The following ARHGEF18 variants were observed in gnomAD, a reference collection of about 807,000 sequenced individuals.
The protein encoded by ARHGEF18 is rho guanine nucleotide exchange factor 18.
A neutral mutation model predicts 155.7 loss-of-function variants in ARHGEF18; 93 were observed. That is an observed-to-expected ratio of 0.60 (90% CI 0.50 to 0.71). ARHGEF18 has a LOEUF of 0.71. ARHGEF18 is among the 30% of genes least tolerant of loss of function. The pLI is 0.00. For synonymous variants in ARHGEF18, 742 were observed against 753.1 expected, an observed-to-expected ratio of 0.99 and a Z score of 0.24; for missense variants, 1,593 against 1,816.1, an observed-to-expected ratio of 0.88 and a Z score of 2.23.
intron 1 of ARHGEF18, chr19:7,355,778 CT>C (rs1969276146): frequency 1.1e-6 from 1 of 941,424 alleles, no homozygotes; most frequent in Non-Finnish European, 1.3e-6. Flanking sequence ...CGCCATCCCC[CT>C]TCGAGCTTTT....
At chr19:7,394,473 G>A (rs1971564882) in intron 10 of ARHGEF18, among the ~76,000 whole-genome samples, 1 of 151,932 alleles carries the variant, frequency 6.6e-6, no homozygotes, top group South Asian at 2.1e-4. Context: ...CGAGCCCGTA[G>A]GAGCCCACTG....
rs1354670864 is a variant in ARHGEF18 at position 7,403,737 on chromosome 19, G to A, written c.967+20534G>A. On this transcript the variant is annotated intron_variant, in intron 10 of 28. Coordinates refer to ENST00000668164, the MANE Select transcript of ARHGEF18 (RefSeq NM_001367823.1). ...TTTTTTGTAGAGATGAAGCCTCGCC[G>A]TGTTGCCCAGGCTGGTCTTGAACTC... 4.6e-5 allele frequency among the ~76,000 whole-genome samples: 7 copies of A among 151,914 alleles called. 1 individual carries two copies. The East Asian group carries it at 5.8e-4, about 13-fold the overall frequency.
At chr19:7,380,783 ACAAGCCCAGAGTGT>A in intron 7 of ARHGEF18, 120 bp from the exon 8 acceptor site, 1 of 447,376 alleles carries the variant, frequency 2.2e-6, no homozygotes, top group African/African-American at 2.0e-5. Context: ...TGTCTCATAT[ACAAGCCCAGAGTGT>A]CAAGGACAGG....
intron 10 of ARHGEF18, among the ~76,000 whole-genome samples, chr19:7,402,680 G>A (rs1308165288): frequency 6.6e-6 from 1 of 152,110 alleles, no homozygotes; most frequent in Non-Finnish European, 1.5e-5. Flanking sequence ...AACCCTAAAG[G>A]AAAGGGGACC....
intron 10 of ARHGEF18, among the ~76,000 whole-genome samples, chr19:7,405,947 C>G (rs1972280915): frequency 6.6e-6 from 1 of 152,170 alleles, no homozygotes; most frequent in East Asian, 1.9e-4. Context: ...TATTGGCACT[C>G]ATTTCTTAGG....
At chr19:7,385,870 T>TCTCTCTCTCTCTCCC (rs1555704468) in intron 10 of ARHGEF18, among the ~76,000 whole-genome samples, 1 of 29,548 alleles carries the variant, frequency 3.4e-5, no homozygotes, top group African/African-American at 1.9e-4. Context: ...TCTCTCTCTC[T>TCTCTCTCTCTCTCCC]CCCCCCTCCC....
intron 10 of ARHGEF18, among the ~76,000 whole-genome samples, chr19:7,438,783 A>C (rs1014669140): frequency 6.6e-6 from 1 of 152,210 alleles, no homozygotes; most frequent in African/African-American, 2.4e-5. Flanking sequence ...TATAAAATGT[A>C]AGAGTAAACT....
chr19:7,377,189 G>A (rs1188121955), intron 5 of ARHGEF18, among the ~76,000 whole-genome samples: 2 of 151,918 alleles, frequency 1.3e-5, no homozygotes, highest in Non-Finnish European at 2.9e-5. Flanking sequence ...TCCGGCCTCA[G>A]CCTCCCAAGT....
At chr19:7,378,228 G>A (rs1970554692) in intron 5 of ARHGEF18, among the ~76,000 whole-genome samples, 166 bp from the exon 6 acceptor site, 2 of 152,168 alleles carry the variant, frequency 1.3e-5, no homozygotes, top group South Asian at 4.1e-4. Flanking sequence ...GTTTGTCCCT[G>A]GCTCTCTGTC....
At chr19:7,361,759 G>A (rs1407329368) in intron 1 of ARHGEF18, among the ~76,000 whole-genome samples, 2 of 152,034 alleles carry the variant, frequency 1.3e-5, no homozygotes, top group South Asian at 2.1e-4. Flanking sequence ...TTGGGAGGCT[G>A]AGGCATGCAG....
At chr19:7,391,120 C>A (rs1046734287) in intron 10 of ARHGEF18, among the ~76,000 whole-genome samples, 1 of 152,128 alleles carries the variant, frequency 6.6e-6, no homozygotes, top group Non-Finnish European at 1.5e-5. Flanking sequence ...CCCCTCCCCA[C>A]CTGTGTCAGG....
Position 7,395,181 on chromosome 19 carries a change from C to T in ARHGEF18, c.967+11978C>T, listed in dbSNP as rs1238101374. The T allele has an allele frequency of 1.1e-5, 11 of 986,118 alleles. No homozygotes were observed. Among genetic ancestry groups the T allele is most frequent in the Non-Finnish European group, 1.3e-5 (11 of 830,592 alleles). The allele number at this position is 986,118 out of a possible 1,614,324, so 61.1% of individuals were successfully genotyped here. A position where few individuals can be genotyped will look rare whatever the true frequency, so the allele number is the denominator to read the frequency against. On this transcript the variant is annotated intron_variant, in intron 10 of 28. Transcript: ENST00000668164. The surrounding 1 kb of genome is among the most constrained non-coding windows in gnomAD (Gnocchi z 5.0). ...TGGATCTGGGGGGGCCGGACGGAGG[C>T]ATCGGAGGCGGCTGCGAGAGTGGCA...
At chr19:7,398,210 C>T (rs1213585216) in intron 10 of ARHGEF18, among the ~76,000 whole-genome samples, 1 of 151,934 alleles carries the variant, frequency 6.6e-6, no homozygotes, top group Non-Finnish European at 1.5e-5. Flanking sequence ...GCTGGGATTA[C>T]AGGTGTGTGC....
At chr19:7,404,956 CTTTATT>C (rs146609891) in intron 10 of ARHGEF18, among the ~76,000 whole-genome samples, 12,020 of 151,648 alleles carry the variant, frequency 0.079, 1,558 homozygotes, top group African/African-American at 0.27. Context: ...GACTCGGGTG[CTTTATT>C]TTTATTTTTA....
Position 7,441,982 on chromosome 19 carries a change from C to G in ARHGEF18, c.1290C>G (p.Ser430Arg). 2 of 1,614,090 alleles carry G rather than the reference C, an allele frequency of 1.2e-6. No homozygotes were observed. Among genetic ancestry groups the G allele is most frequent in the Middle Eastern group, 1.7e-4 (1 of 6,060 alleles). The change falls in exon 13 of 29, where the codon AGC becomes AGG. Residue 430 changes from serine to arginine, a missense_variant. Ser to Arg is a moderately radical substitution (Grantham distance 110). Transcript: ENST00000668164. ...ACGAGTTTGAAGCTGAGTCCTGGAG[C>G]CTCGCCGTGGATGCAGCCTACGCCA... ...DGHEFEAESWSLAVDAAYAKK... is the reference protein window; with the variant it reads ...DGHEFEAESWRLAVDAAYAKK...
intron 10 of ARHGEF18, among the ~76,000 whole-genome samples, chr19:7,435,488 C>G (rs1330922781): frequency 6.6e-6 from 1 of 152,062 alleles, no homozygotes; most frequent in Non-Finnish European, 1.5e-5. Flanking sequence ...TCCCGGGGAA[C>G]AAATGGGCCA....
At chr19:7,371,992 C>G (rs576163052) in intron 2 of ARHGEF18, among the ~76,000 whole-genome samples, 7 of 152,270 alleles carry the variant, frequency 4.6e-5, no homozygotes, top group African/African-American at 1.7e-4. Flanking sequence ...ACACTGGCCC[C>G]TTGCCTCCTG....
At chr19:7,364,402 A>AGGC (rs1969795109) in intron 2 of ARHGEF18, among the ~76,000 whole-genome samples, 12 of 129,648 alleles carry the variant, frequency 9.3e-5, no homozygotes, top group African/African-American at 2.9e-4. Flanking sequence ...GGAAGGAAGG[A>AGGC]AGGCAGGCTG....
chr19:7,379,168 T>C lies in ARHGEF18; in HGVS notation c.644+2T>C, dbSNP rs1014999234. On this transcript the variant is annotated splice_donor_variant, in intron 7 of 28. Coordinates refer to ENST00000668164, the MANE Select transcript of ARHGEF18 (RefSeq NM_001367823.1). LOFTEE classifies it high-confidence loss of function. ...TCAAGAACTTCGACAGTACCATGGG[T>C]AAGTGGGAATCGGGACAGGCTTGAG... 1.6e-6 allele frequency: 2 copies of C among 1,232,404 alleles called. No individual in the cohort carries two copies. The highest frequency in any genetic ancestry group is 6.3e-5 in the East Asian group (2 of 31,706). The allele number at this position is 1,232,404 out of a possible 1,614,324, so 76.3% of individuals were successfully genotyped here.
Sources: allele counts gnomAD v4.1 joint callset (sites outside exome capture counted in the v4.1 genomes callset), GRCh38; gene constraint gnomAD v4.1.1; non-coding constraint Gnocchi (gnomAD v3.1); transcripts MANE v1.5; gene names NCBI Gene and HGNC (gene_info 2026-07-23, HGNC 2026-07-21).